The following CHST8 variants were observed in gnomAD, a reference collection of about 807,000 sequenced individuals.
CHST8 encodes the protein carbohydrate sulfotransferase 8, also known as GALNAC-4-ST1.
In CHST8, 10 loss-of-function variants were observed where a neutral mutation model predicts 15.0. That is an observed-to-expected ratio of 0.67 (90% CI 0.41 to 1.13). CHST8 has a LOEUF of 1.13. Among genes scored for constraint, CHST8 ranks in the 50% most tolerant of loss-of-function variants. The pLI, the probability that CHST8 is intolerant of heterozygous loss-of-function variation, is 0.00. For missense variants in CHST8, 634 were observed against 608.2 expected (o/e 1.04, Z -0.45); for synonymous variants, 259 against 256.6 (o/e 1.01, Z -0.09).
intron 2 of CHST8, among the ~76,000 whole-genome samples, chr19:33,684,004 G>A (rs933982012): frequency 1.3e-5 from 2 of 152,188 alleles, no homozygotes; most frequent in African/African-American, 2.4e-5. Context: ...AAGAAGCCCT[G>A]GGCAGAGATA....
intron 3 of CHST8, among the ~76,000 whole-genome samples, chr19:33,692,399 G>A (rs1973114128): frequency 6.6e-6 from 1 of 152,054 alleles, no homozygotes; most frequent in Admixed American, 6.6e-5. Flanking sequence ...CCAGAACCAG[G>A]AATAACAAAC....
intron 3 of CHST8, among the ~76,000 whole-genome samples, chr19:33,738,159 G>A (rs1468663605): frequency 6.6e-6 from 1 of 152,138 alleles, no homozygotes; most frequent in Non-Finnish European, 1.5e-5. Context: ...TGGATTTGGG[G>A]GTTCTGTGAC....
intron 3 of CHST8, among the ~76,000 whole-genome samples, chr19:33,716,051 T>C (rs1973660107): frequency 6.6e-6 from 1 of 152,238 alleles, no homozygotes; most frequent in Admixed American, 6.5e-5. Context: ...AAAAACAGTC[T>C]GTTTTCTTTC....
chr19:33,752,412 A>G (rs562656429), intron 3 of CHST8, among the ~76,000 whole-genome samples: 3 of 122,424 alleles, frequency 2.5e-5, no homozygotes, highest in South Asian at 4.9e-4. Flanking sequence ...GATCCGCCAC[A>G]TAAGATTCCT....
intron 1 of CHST8, among the ~76,000 whole-genome samples, chr19:33,629,719 C>T (rs1972098959): frequency 6.6e-6 from 1 of 152,240 alleles, no homozygotes; most frequent in Non-Finnish European, 1.5e-5. Context: ...ACTGTCTGGG[C>T]CTGAGCCAGC....
chr19:33,772,120 G>A lies in CHST8; in HGVS notation c.332G>A (p.Arg111His). Residue 111 changes from arginine to histidine, a missense_variant, in exon 5 of 5, where the codon CGT becomes CAT. Coordinates refer to ENST00000650847, the MANE Select transcript of CHST8 (RefSeq NM_001127895.2). Reference sequence around the variant, plus strand: ...ACCCGTCTGCGGCTCCGCCAGCGCCGTCGCCGTCTGCTCATCAAGAAAATG... The same window carrying A: ...ACCCGTCTGCGGCTCCGCCAGCGCCATCGCCGTCTGCTCATCAAGAAAATG... ...RGTRLRLRQR[R>H]RRLLIKKMPA... 6.2e-7 allele frequency: 1 copy of A among 1,610,448 alleles called. No individual in the cohort carries two copies.
At chr19:33,699,695 T>C (rs1973293471) in intron 3 of CHST8, among the ~76,000 whole-genome samples, 1 of 152,160 alleles carries the variant, frequency 6.6e-6, no homozygotes, top group African/African-American at 2.4e-5. Flanking sequence ...TTTGATGTCC[T>C]GGAGGCAGCG....
chr19:33,762,112 G>C (rs111462848), intron 3 of CHST8, among the ~76,000 whole-genome samples: 3,313 of 152,356 alleles, frequency 0.022, 97 homozygotes, highest in African/African-American at 0.073. Flanking sequence ...ACATGCACAT[G>C]TGTAAGGGGT....
chr19:33,685,855 C>A (rs1433994894), intron 2 of CHST8, among the ~76,000 whole-genome samples: 1 of 152,158 alleles, frequency 6.6e-6, no homozygotes, highest in Non-Finnish European at 1.5e-5. Context: ...GATTCTACAC[C>A]CCCTGGAATG....
At chr19:33,728,103 G>T (rs1284358277) in intron 3 of CHST8, among the ~76,000 whole-genome samples, 1 of 152,290 alleles carries the variant, frequency 6.6e-6, no homozygotes, top group Non-Finnish European at 1.5e-5. Context: ...AGAGCAGACA[G>T]AACTGTATTT....
At chr19:33,733,142 T>C (rs1974023550) in intron 3 of CHST8, among the ~76,000 whole-genome samples, 1 of 152,182 alleles carries the variant, frequency 6.6e-6, no homozygotes, top group African/African-American at 2.4e-5. Flanking sequence ...CCCATCTCAT[T>C]GGCATAACAA....
intron 3 of CHST8, among the ~76,000 whole-genome samples, chr19:33,703,149 A>G (rs992088697): frequency 6.6e-6 from 1 of 152,186 alleles, no homozygotes; most frequent in Non-Finnish European, 1.5e-5. Context: ...GGCTCCAAAG[A>G]GGCCCGAGGT....
Position 33,643,290 on chromosome 19 carries a change from G to A in CHST8, c.-164+20994G>A, listed in dbSNP as rs528681125. Among the ~76,000 whole-genome samples the A allele has an allele frequency of 1.6e-4, 25 of 152,232 alleles. 1 individual carries two copies. In the South Asian group the frequency reaches 4.1e-3, roughly 25 times the overall value. ...TCAATTAGATAGGTTAAAGAGGGGC[G>A]TGATTATTGCCTTTTTAACATACAT... On this transcript the variant is annotated intron_variant, in intron 1 of 4. Coordinates refer to ENST00000650847, the MANE Select transcript of CHST8 (RefSeq NM_001127895.2).
chr19:33,647,322 G>A (rs1972367272), intron 1 of CHST8, among the ~76,000 whole-genome samples: 1 of 152,198 alleles, frequency 6.6e-6, no homozygotes, highest in South Asian at 2.1e-4. Flanking sequence ...GCCAAGTGAG[G>A]AAAGTGCACC....
chr19:33,700,848 A>C (rs187501645), intron 3 of CHST8, among the ~76,000 whole-genome samples: 21 of 152,296 alleles, frequency 1.4e-4, no homozygotes, highest in Admixed American at 1.0e-3. Context: ...GGTATGGTTC[A>C]CATAGATTGC....
At chr19:33,686,771 C>T (rs1026113172) in intron 2 of CHST8, among the ~76,000 whole-genome samples, 8 of 152,226 alleles carry the variant, frequency 5.3e-5, no homozygotes, top group African/African-American at 7.2e-5. Flanking sequence ...CAGGGGCTCG[C>T]GACAGTTGCT....
intron 1 of CHST8, among the ~76,000 whole-genome samples, chr19:33,643,936 A>T (rs916673402): frequency 2.0e-5 from 3 of 152,006 alleles, no homozygotes; most frequent in Non-Finnish European, 4.4e-5. Context: ...TTTATTTATT[A>T]ATTTTTTATT....
rs1568365930 is a variant in CHST8 at position 33,772,290 on chromosome 19, CG to C, written c.505del (p.Ala169ArgfsTer177). The C allele has an allele frequency of 1.2e-6, 2 of 1,602,076 alleles. No individual in the cohort carries two copies. Among genetic ancestry groups the C allele is most frequent in the South Asian group, 2.2e-5 (2 of 90,930 alleles). ...GATGCAGGAGGCCTGCGCCAAGTACCGGGCGAGCAGCAGCCGCCGGGCCGTC... is the reference window on the plus strand; with the variant it reads ...GATGCAGGAGGCCTGCGCCAAGTACCGGCGAGCAGCAGCCGCCGGGCCGTC... Reference protein sequence around the residue: ...RVMQEACAKYRASSSRRAVTP... With the variant: ...RVMQEACAKYXASSSRRAVTP... On this transcript the variant is annotated frameshift_variant, in exon 5 of 5. Transcript: ENST00000650847. LOFTEE classifies it low-confidence loss of function (END_TRUNC).
intron 3 of CHST8, among the ~76,000 whole-genome samples, chr19:33,762,107 C>G (rs904905382): frequency 2.3e-4 from 35 of 152,354 alleles, no homozygotes; most frequent in African/African-American, 8.4e-4. Context: ...ATGCGACATG[C>G]ACATGTGTAA....
Sources: allele counts gnomAD v4.1 joint callset (sites outside exome capture counted in the v4.1 genomes callset), GRCh38; gene constraint gnomAD v4.1.1; transcripts MANE v1.5; gene names NCBI Gene and HGNC (gene_info 2026-07-23, HGNC 2026-07-21).